The following MACROD2 variants were observed in gnomAD, a reference collection of about 807,000 sequenced individuals.
The protein encoded by MACROD2 is ADP-ribose glycohydrolase MACROD2.
Under a neutral mutation model 70.4 loss-of-function variants are expected in MACROD2, and 36 were observed. The observed-to-expected ratio is 0.51, with a 90% CI of 0.39 to 0.68. MACROD2 has a LOEUF of 0.68. MACROD2 is among the 30% of genes least tolerant of loss of function. MACROD2 has a pLI of 0.00. For missense variants in MACROD2, 496 were observed against 538.4 expected (o/e 0.92, Z 0.78); for synonymous variants, 172 against 178.8 (o/e 0.96, Z 0.30).
intron 6 of MACROD2, among the ~76,000 whole-genome samples, chr20:15,385,070 A>G (rs1056334485): frequency 2.0e-5 from 3 of 152,318 alleles, no homozygotes; most frequent in African/African-American, 4.8e-5. Context: ...TCTGTAATCA[A>G]TGGTGTCTTG....
intron 5 of MACROD2, among the ~76,000 whole-genome samples, chr20:15,117,692 T>C (rs1322109): frequency 0.073 from 11,182 of 152,252 alleles, 477 homozygotes; most frequent in Middle Eastern, 0.16. Flanking sequence ...CAGAGATAGA[T>C]TGCACTTAGC....
intron 5 of MACROD2, among the ~76,000 whole-genome samples, chr20:15,124,394 C>A (rs1601105394): frequency 1.4e-5 from 2 of 145,836 alleles, no homozygotes; most frequent in Non-Finnish European, 1.5e-5. Flanking sequence ...AAATTACAAG[C>A]TTTAAGATAG....
intron 6 of MACROD2, among the ~76,000 whole-genome samples, chr20:15,342,694 A>G (rs1452575908): frequency 3.9e-5 from 6 of 152,212 alleles, no homozygotes. Context: ...TTACTGTAAT[A>G]TAGTAAAAAT....
At chr20:15,856,653 G>C (rs772130003) in intron 8 of MACROD2, among the ~76,000 whole-genome samples, 6 of 152,168 alleles carry the variant, frequency 3.9e-5, no homozygotes, top group African/African-American at 1.4e-4. Context: ...CACTGGTGAT[G>C]CAAAGATGAG....
intron 6 of MACROD2, among the ~76,000 whole-genome samples, chr20:15,317,243 C>G (rs1270619801): frequency 6.6e-6 from 1 of 151,988 alleles, no homozygotes; most frequent in Admixed American, 6.5e-5. Context: ...AGAAAAACAT[C>G]AGAGTAAACC....
intron 6 of MACROD2, among the ~76,000 whole-genome samples, chr20:15,387,467 CTT>C (rs1033889924): frequency 5.3e-5 from 8 of 151,640 alleles, no homozygotes; most frequent in African/African-American, 1.9e-4. Flanking sequence ...TTCTCTTCCT[CTT>C]TCACTGTCTC....
At chr20:15,358,020 G>A (rs759250684) in intron 6 of MACROD2, among the ~76,000 whole-genome samples, 3 of 152,010 alleles carry the variant, frequency 2.0e-5, no homozygotes, top group Non-Finnish European at 4.4e-5. Flanking sequence ...GTGTTAGCCA[G>A]GATGGTCTCT....
At chr20:15,295,595 T>TCACTCACACACACA (rs2077578560) in intron 6 of MACROD2, among the ~76,000 whole-genome samples, 1 of 147,938 alleles carries the variant, frequency 6.8e-6, no homozygotes, top group African/African-American at 2.5e-5. Context: ...ATGTCTGTCA[T>TCACTCACACACACA]CACACACACA....
intron 5 of MACROD2, among the ~76,000 whole-genome samples, chr20:14,933,381 A>G (rs1483637964): frequency 1.3e-5 from 2 of 152,192 alleles, no homozygotes; most frequent in East Asian, 1.9e-4. Flanking sequence ...CCTCTAAGAT[A>G]TATTTTTAAA....
At chr20:15,422,583 T>C (rs563988707) in intron 6 of MACROD2, among the ~76,000 whole-genome samples, 2 of 152,332 alleles carry the variant, frequency 1.3e-5, no homozygotes, top group South Asian at 4.1e-4. Context: ...AATCAGATAA[T>C]GCACATAGAG....
intron 6 of MACROD2, among the ~76,000 whole-genome samples, chr20:15,352,572 C>A (rs1256759091): frequency 6.6e-6 from 1 of 151,962 alleles, no homozygotes; most frequent in East Asian, 1.9e-4. Context: ...AAGAATATGC[C>A]ATTTTACATA....
chr20:15,163,218 T>C (rs1463964970), intron 5 of MACROD2, among the ~76,000 whole-genome samples: 1 of 151,998 alleles, frequency 6.6e-6, no homozygotes, highest in Non-Finnish European at 1.5e-5. Context: ...ACATATAGTT[T>C]AGCTACCTCA....
chr20:14,218,090 A>ACCTGT, intron 3 of MACROD2, among the ~76,000 whole-genome samples: 1 of 152,230 alleles, frequency 6.6e-6, no homozygotes, highest in Admixed American at 6.5e-5. Context: ...TGTCTTGATG[A>ACCTGT]CCTGTCTAGT....
In MACROD2 at chr20:15,317,523, A is replaced by ATCTATCTATCTGTCTG. The variant is rs142419875; in HGVS notation, c.540+87465_540+87466insATCTATCTGTCTGTCT. On this transcript the variant is annotated intron_variant, in intron 6 of 17. Transcript: ENST00000684519. ...TATCTATCTATCTATCTATCTATCT[A>ATCTATCTATCTGTCTG]TCTGTCTATCTATCTCTATCAAGAT... Among the ~76,000 whole-genome samples the ATCTATCTATCTGTCTG allele has an allele frequency of 8.5e-3, 1,264 of 149,358 alleles. 11 individuals are homozygous for ATCTATCTATCTGTCTG. Among genetic ancestry groups the ATCTATCTATCTGTCTG allele is most frequent in the African/African-American group, 0.028 (1,143 of 40,588 alleles).
intron 8 of MACROD2, among the ~76,000 whole-genome samples, chr20:15,654,084 T>A (rs572405815): frequency 6.6e-6 from 1 of 152,234 alleles, no homozygotes; most frequent in Non-Finnish European, 1.5e-5. Flanking sequence ...ATGGGAACCC[T>A]CCCAAACAGC....
At chr20:15,221,626 A>T (rs2076862391) in intron 5 of MACROD2, among the ~76,000 whole-genome samples, 1 of 152,234 alleles carries the variant, frequency 6.6e-6, no homozygotes, top group East Asian at 1.9e-4. Flanking sequence ...GGTCAGTCTC[A>T]AATAGATTTG....
chr20:14,404,380 A>C (rs1271750288), intron 3 of MACROD2, among the ~76,000 whole-genome samples: 1 of 152,164 alleles, frequency 6.6e-6, no homozygotes, highest in Non-Finnish European at 1.5e-5. Flanking sequence ...TAATCCCAGC[A>C]CTTTGGAAGG....
At chr20:14,310,929 G>A (rs186830671) in intron 3 of MACROD2, among the ~76,000 whole-genome samples, 10 of 152,142 alleles carry the variant, frequency 6.6e-5, no homozygotes, top group Non-Finnish European at 8.8e-5. Flanking sequence ...TTTTTGTGCC[G>A]CTGTACAACG....
intron 2 of MACROD2, among the ~76,000 whole-genome samples, chr20:14,048,977 T>C (rs1446587943): frequency 6.6e-6 from 1 of 151,984 alleles, no homozygotes; most frequent in African/African-American, 2.4e-5. Flanking sequence ...AGTAAAAGAA[T>C]ACTGTCTATT....
Sources: allele counts gnomAD v4.1 joint callset (sites outside exome capture counted in the v4.1 genomes callset), GRCh38; gene constraint gnomAD v4.1.1; transcripts MANE v1.5; gene names NCBI Gene and HGNC (gene_info 2026-07-23, HGNC 2026-07-21).